Variants in RNF180 observed in about 807,000 individuals in gnomAD.
RNF180 encodes the protein E3 ubiquitin-protein ligase RNF180.
In RNF180, 38 loss-of-function variants were observed where a neutral mutation model predicts 59.2. The observed-to-expected ratio is 0.64, with a 90% confidence interval of 0.50 to 0.84. RNF180 has a LOEUF of 0.84. Ranked by LOEUF, RNF180 falls within the 40% of genes least tolerant of loss-of-function variation. RNF180 has a pLI of 0.00. For synonymous variants in RNF180, 262 were observed against 240.3 expected (o/e 1.09, Z -0.84); for missense variants, 705 against 700.9 (o/e 1.01, Z -0.07).
chr5:64,188,589 A>G (rs1579958143), intron 1 of RNF180, among the ~76,000 whole-genome samples: 1 of 152,246 alleles, frequency 6.6e-6, no homozygotes, highest in Non-Finnish European at 1.5e-5. Flanking sequence ...TTGAATTTTT[A>G]TCTTAAGTTT....
chr5:64,273,622 T>C (rs1038868047), intron 5 of RNF180, among the ~76,000 whole-genome samples: 2 of 151,928 alleles, frequency 1.3e-5, no homozygotes, highest in African/African-American at 4.8e-5. Flanking sequence ...CTGAAAAATA[T>C]CTGTTGGCTC....
chr5:64,189,489 AAAG>A (rs1420770793), intron 1 of RNF180, among the ~76,000 whole-genome samples: 1 of 152,176 alleles, frequency 6.6e-6, no homozygotes, highest in Non-Finnish European at 1.5e-5. Context: ...GAAAAAAAGA[AAAG>A]AAAAACCTTG....
intron 7 of RNF180, among the ~76,000 whole-genome samples, chr5:64,342,368 G>A (rs1745388063): frequency 6.6e-6 from 1 of 152,136 alleles, no homozygotes; most frequent in Non-Finnish European, 1.5e-5. Context: ...CATGGGCAGA[G>A]GACTCTATGA....
chr5:64,358,881 G>A (rs976102524), intron 7 of RNF180, among the ~76,000 whole-genome samples: 11 of 150,120 alleles, frequency 7.3e-5, no homozygotes, highest in Middle Eastern at 3.4e-3. Context: ...GAGAATATGC[G>A]GTGTCTGGTT....
chr5:64,252,689 C>A (rs1179588518), intron 5 of RNF180, among the ~76,000 whole-genome samples: 1 of 152,034 alleles, frequency 6.6e-6, no homozygotes, highest in African/African-American at 2.4e-5. Flanking sequence ...TGGTCCTGAG[C>A]ATGGAAAACT....
intron 2 of RNF180, among the ~76,000 whole-genome samples, chr5:64,204,898 G>C (rs1257540377): frequency 6.6e-6 from 1 of 152,056 alleles, no homozygotes; most frequent in East Asian, 1.9e-4. Flanking sequence ...AGGGTGCCCT[G>C]GGCTGTATCT....
chr5:64,359,202 A>G (rs1215684836), intron 7 of RNF180, among the ~76,000 whole-genome samples: 1 of 151,316 alleles, frequency 6.6e-6, no homozygotes, highest in Non-Finnish European at 1.5e-5. Context: ...TCCCTGAGGA[A>G]TCGCCACACT....
intron 7 of RNF180, among the ~76,000 whole-genome samples, chr5:64,350,295 T>C (rs1365758887): frequency 1.3e-5 from 2 of 152,182 alleles, no homozygotes; most frequent in African/African-American, 2.4e-5. Context: ...TTGAGTTCTT[T>C]GTAGATTCTG....
intron 5 of RNF180, among the ~76,000 whole-genome samples, chr5:64,285,751 G>A (rs1424724006): frequency 6.6e-6 from 1 of 152,182 alleles, no homozygotes; most frequent in Non-Finnish European, 1.5e-5. Flanking sequence ...ACCCTGCTCT[G>A]TCTAGGTCCG....
chr5:64,324,703 C>G (rs1744544819), intron 5 of RNF180, among the ~76,000 whole-genome samples: 1 of 152,130 alleles, frequency 6.6e-6, no homozygotes, highest in African/African-American at 2.4e-5. Context: ...CTTTGAGGTC[C>G]AGGAAGACAC....
At chr5:64,311,798 A>G (rs1208298914) in intron 5 of RNF180, among the ~76,000 whole-genome samples, 1 of 151,992 alleles carries the variant, frequency 6.6e-6, no homozygotes, top group Non-Finnish European at 1.5e-5. Flanking sequence ...TCCCCCATTT[A>G]TAGCCATAAC....
rs1258314410 is a variant in RNF180, at chr5:64,180,999, G to A, written c.-1+15046G>A. 4.6e-5 allele frequency among the ~76,000 whole-genome samples: 7 copies of A among 152,260 alleles called. No individual in the cohort carries two copies. The East Asian group carries it at 1.2e-3, about 25-fold the overall frequency. On this transcript the variant is annotated intron_variant, in intron 1 of 7. Transcript: ENST00000389100. Reference sequence around the variant, plus strand: ...TCAGTCTGTCGCTGAAGGCTTGAGAGCCCATGGCAAACCACTGGTATAGGT... The same window carrying A: ...TCAGTCTGTCGCTGAAGGCTTGAGAACCCATGGCAAACCACTGGTATAGGT...
intron 5 of RNF180, among the ~76,000 whole-genome samples, chr5:64,223,686 T>A (rs1328613813): frequency 6.6e-6 from 1 of 151,940 alleles, no homozygotes; most frequent in African/African-American, 2.4e-5. Context: ...TATTTTATCT[T>A]TTTTTTTGAT....
chr5:64,350,906 C>T (rs10061814), intron 7 of RNF180, among the ~76,000 whole-genome samples: 43,221 of 151,888 alleles, frequency 0.28, 6,345 homozygotes, highest in African/African-American at 0.35. Context: ...TTTTTTGGTT[C>T]TATATGAACT....
chr5:64,335,453 T>A (rs976084296), intron 7 of RNF180, among the ~76,000 whole-genome samples: 16 of 152,056 alleles, frequency 1.1e-4, no homozygotes, highest in South Asian at 2.1e-4. Context: ...TGATTTGTGT[T>A]AATTTTTTTT....
At chr5:64,351,325 A>G (rs1419966642) in intron 7 of RNF180, among the ~76,000 whole-genome samples, 1 of 151,992 alleles carries the variant, frequency 6.6e-6, no homozygotes, top group Non-Finnish European at 1.5e-5. Flanking sequence ...GGGTTTTCTA[A>G]ATATACAATC....
Position 64,247,418 on chromosome 5 carries a change from C to T in RNF180, c.1227+30022C>T, listed in dbSNP as rs150045704. On this transcript the variant is annotated intron_variant, in intron 5 of 7. Transcript: ENST00000389100. ...CTTATAAGCAACTTCAGCAAAATCTCAGGATACAAAATCAATGTGCAAAAA... is the reference window on the plus strand; with the variant it reads ...CTTATAAGCAACTTCAGCAAAATCTTAGGATACAAAATCAATGTGCAAAAA... 5.1e-3 allele frequency among the ~76,000 whole-genome samples: 778 copies of T among 152,308 alleles called. 7 individuals carry two copies. The highest frequency in any genetic ancestry group is 0.018 in the African/African-American group (745 of 41,568).
intron 7 of RNF180, among the ~76,000 whole-genome samples, chr5:64,333,520 A>G (rs1421379681): frequency 6.6e-6 from 1 of 152,248 alleles, no homozygotes; most frequent in African/African-American, 2.4e-5. Context: ...ATGAAATCAA[A>G]TGTAAGAAAT....
chr5:64,200,979 A>G (rs369603929), intron 2 of RNF180, 37 bp downstream of exon 2: 2 of 1,593,176 alleles, frequency 1.3e-6, no homozygotes, highest in Non-Finnish European at 1.7e-6. Context: ...GTTTCCTGGT[A>G]GAGGAGTGCT....
Sources: allele counts gnomAD v4.1 joint callset (sites outside exome capture counted in the v4.1 genomes callset), GRCh38; gene constraint gnomAD v4.1.1; transcripts MANE v1.5; gene names NCBI Gene and HGNC (gene_info 2026-07-23, HGNC 2026-07-21).